ERCC8: variants seen among roughly 807,000 people sequenced by gnomAD.
ERCC8 encodes DNA excision repair protein ERCC-8.
ERCC8 carries 52 observed loss-of-function variants against 54.9 expected under a neutral mutation model. The observed-to-expected ratio is 0.95, with a 90% CI of 0.76 to 1.19. The LOEUF (loss-of-function observed/expected upper bound fraction) is 1.19, where lower values mean the gene tolerates loss of function less well. Ranked by LOEUF, ERCC8 falls within the 50% of genes most tolerant of loss-of-function variation. The pLI is 0.00. For missense variants in ERCC8, 514 were observed against 466.1 expected, an observed-to-expected ratio of 1.10 and a Z score of -0.95; for synonymous variants, 146 against 157.2, an observed-to-expected ratio of 0.93 and a Z score of 0.53.
chr5:60,910,297 T>C (rs1240359560), intron 4 of ERCC8, among the ~76,000 whole-genome samples: 1 of 152,190 alleles, frequency 6.6e-6, no homozygotes, highest in African/African-American at 2.4e-5. Flanking sequence ...TATAACTTTA[T>C]AGCAAGTCTT....
intron 9 of ERCC8, chr5:60,892,589 C>G: frequency 1.5e-6 from 1 of 670,066 alleles, no homozygotes. Flanking sequence ...TCAGAAAGTG[C>G]TCAGTAGTCT....
intron 7 of ERCC8, among the ~76,000 whole-genome samples, 189 bp from the exon 8 acceptor site, chr5:60,899,916 G>T (rs1418950729): frequency 6.6e-6 from 1 of 151,194 alleles, no homozygotes; most frequent in African/African-American, 2.4e-5. Flanking sequence ...AAATAAGTGA[G>T]TAAATAGCAA....
At chr5:60,887,346 A>T in intron 11 of ERCC8, 94 bp downstream of exon 11, 1 of 1,088,814 alleles carries the variant, frequency 9.2e-7, no homozygotes, top group Non-Finnish European at 1.4e-6. Context: ...GCCACTGGCA[A>T]GAAATGCTTT....
At chr5:60,896,524 T>TA (rs1200695435) in intron 9 of ERCC8, among the ~76,000 whole-genome samples, 1 of 151,784 alleles carries the variant, frequency 6.6e-6, no homozygotes, top group Non-Finnish European at 1.5e-5. Context: ...AACTTTAAAA[T>TA]AAAAAAAAGA....
intron 9 of ERCC8, among the ~76,000 whole-genome samples, chr5:60,896,264 T>C (rs1347051130): frequency 6.6e-6 from 1 of 152,218 alleles, no homozygotes; most frequent in Admixed American, 6.5e-5. Context: ...TTGCCCAGGC[T>C]GGAGTGCAAT....
chr5:60,883,601 T>G (rs1748310312), intron 11 of ERCC8, among the ~76,000 whole-genome samples: 1 of 152,220 alleles, frequency 6.6e-6, no homozygotes, highest in South Asian at 2.1e-4. Flanking sequence ...TTGATAACTT[T>G]CAAATTTCTG....
At chr5:60,943,973 G>A (rs4647044) in intron 1 of ERCC8, among the ~76,000 whole-genome samples, 3,662 of 152,246 alleles carry the variant, frequency 0.024, 63 homozygotes, top group Non-Finnish European at 0.037. Context: ...TCTCCAGAAC[G>A]CAGAACTCAT....
chr5:60,866,929 C>G lies in ERCC8; in HGVS notation c.*7686G>C, dbSNP rs1231694383. 1.3e-5 allele frequency: 2 copies of G among 152,124 alleles called. No individual in the cohort carries two copies. The highest frequency in any genetic ancestry group is 2.9e-5 in the Non-Finnish European group (2 of 68,050). The allele number at this position is 152,124 out of a possible 1,614,324, so 9.4% of individuals were successfully genotyped here. A position where few individuals can be genotyped will look rare whatever the true frequency, so the allele number is the denominator to read the frequency against. ...GCGCAATCTCGGCTTACTGCAAGCGCTGCCTCCGGGGTTCACGCCATTCTC... is the reference window on the plus strand; with the variant it reads ...GCGCAATCTCGGCTTACTGCAAGCGGTGCCTCCGGGGTTCACGCCATTCTC... On this transcript the variant is annotated 3_prime_UTR_variant, in exon 12 of 12. Coordinates refer to ENST00000676185, the MANE Select transcript of ERCC8 (RefSeq NM_000082.4).
In ERCC8 at chr5:60,899,692, C is replaced by T. The variant is rs755615008; in HGVS notation, c.653G>A (p.Arg218Lys). The T allele has an allele frequency of 4.3e-6, 7 of 1,612,326 alleles. No individual in the cohort carries two copies. The highest frequency in any genetic ancestry group is 1.1e-5 in the South Asian group (1 of 91,058). ...DSRVKLWDVR[R>K]ASGCLITLDQ... ...AAGAGTAATCAAACATCCTGATGCTCTTCTCACATCCCATAATTTTACTCT... is the reference window on the plus strand; with the variant it reads ...AAGAGTAATCAAACATCCTGATGCTTTTCTCACATCCCATAATTTTACTCT... The change falls in exon 8 of 12, where the codon AGA becomes AAA. Residue 218 changes from arginine to lysine, a missense_variant. Physicochemically the swap from Arg to Lys is conservative, Grantham distance 26. Coordinates refer to ENST00000676185, the MANE Select transcript of ERCC8 (RefSeq NM_000082.4).
intron 1 of ERCC8, among the ~76,000 whole-genome samples, chr5:60,942,515 G>T (rs1384179752): frequency 6.6e-6 from 1 of 152,068 alleles, no homozygotes; most frequent in Non-Finnish European, 1.5e-5. Flanking sequence ...TCAAAATAAT[G>T]TAATTATGCT....
intron 6 of ERCC8, 123 bp downstream of exon 6, chr5:60,903,525 G>A: frequency 6.7e-7 from 1 of 1,500,416 alleles, no homozygotes; most frequent in Non-Finnish European, 9.0e-7. Context: ...TCCCTGCTGA[G>A]TCTCAACAAC....
intron 4 of ERCC8, among the ~76,000 whole-genome samples, chr5:60,909,114 T>A (rs925826107): frequency 1.3e-5 from 2 of 151,952 alleles, no homozygotes; most frequent in African/African-American, 4.8e-5. Context: ...AAAGTCAAGA[T>A]AATAGGATGA....
At chr5:60,878,332 C>T (rs1236638631) in intron 11 of ERCC8, among the ~76,000 whole-genome samples, 1 of 152,086 alleles carries the variant, frequency 6.6e-6, no homozygotes, top group Non-Finnish European at 1.5e-5. Context: ...GTAAAATTCT[C>T]TTTTTTTGTT....
intron 4 of ERCC8, among the ~76,000 whole-genome samples, chr5:60,906,923 A>G (rs1333706567): frequency 2.6e-5 from 4 of 152,202 alleles, no homozygotes; most frequent in South Asian, 2.1e-4. Context: ...TCTCACTGAT[A>G]TAAGTTTTGC....
chr5:60,914,088 C>T lies in ERCC8; in HGVS notation c.399+4177G>A, dbSNP rs1323528758. ...TTCTGTTGATTTGGGGTGGAGAGTT[C>T]TGTAGATGTCTATTAGGTCTGCTTA... On this transcript the variant is annotated intron_variant, in intron 4 of 11. Coordinates refer to ENST00000676185, the MANE Select transcript of ERCC8 (RefSeq NM_000082.4). Among the ~76,000 whole-genome samples the T allele has an allele frequency of 1.3e-5, 2 of 152,072 alleles. 1 individual carries two copies. Among genetic ancestry groups the T allele is most frequent in the Non-Finnish European group, 2.9e-5 (2 of 68,028 alleles).
chr5:60,904,229 CA>C (rs1240023544), intron 5 of ERCC8, among the ~76,000 whole-genome samples: 1 of 152,062 alleles, frequency 6.6e-6, no homozygotes, highest in African/African-American at 2.4e-5. Flanking sequence ...GACCTCAAGA[CA>C]ACTTAGTTCC....
At chr5:60,875,337 A>G (rs1251581476) in intron 11 of ERCC8, among the ~76,000 whole-genome samples, 1 of 152,214 alleles carries the variant, frequency 6.6e-6, no homozygotes, top group Non-Finnish European at 1.5e-5. Flanking sequence ...ACACGTTTAT[A>G]GTCAGCACAT....
intron 11 of ERCC8, among the ~76,000 whole-genome samples, chr5:60,883,035 C>T (rs762091425): frequency 6.6e-5 from 10 of 151,380 alleles, no homozygotes; most frequent in Non-Finnish European, 4.4e-5. Context: ...CACATGAGGG[C>T]CATGCTTCCT....
chr5:60,896,377 A>AT (rs113584058), intron 9 of ERCC8, among the ~76,000 whole-genome samples: 7,144 of 151,964 alleles, frequency 0.047, 570 homozygotes, highest in African/African-American at 0.16. Context: ...CCACTGGCTA[A>AT]TTTTTTGTAT....
Sources: gnomAD v4.1 joint callset for allele counts (sites outside exome capture counted in the v4.1 genomes callset) on GRCh38, gnomAD v4.1.1 for gene constraint, MANE v1.5 for transcripts, NCBI Gene and HGNC (gene_info 2026-07-23, HGNC 2026-07-21) for gene names.